Variants in CDKAL1 observed in about 807,000 individuals in gnomAD.
CDKAL1 encodes the protein CDKAL1 threonylcarbamoyladenosine tRNA methylthiotransferase.
Under a neutral mutation model 68.2 loss-of-function variants are expected in CDKAL1, and 32 were observed. The ratio of observed to expected loss-of-function variants is 0.47; its 90% confidence interval spans 0.35 to 0.63. CDKAL1 has a LOEUF of 0.63. Ranked by LOEUF, CDKAL1 falls within the 30% of genes least tolerant of loss-of-function variation. CDKAL1 has a pLI of 0.00. For synonymous variants in CDKAL1, 234 were observed against 244.3 expected, an observed-to-expected ratio of 0.96 and a Z score of 0.39; for missense variants, 606 against 696.7, an observed-to-expected ratio of 0.87 and a Z score of 1.47.
intron 9 of CDKAL1, among the ~76,000 whole-genome samples, chr6:20,887,524 T>C (rs1408490514): frequency 6.6e-6 from 1 of 151,070 alleles, no homozygotes; most frequent in Non-Finnish European, 1.5e-5. Flanking sequence ...AACAGGAATT[T>C]AACAATATTA....
intron 4 of CDKAL1, among the ~76,000 whole-genome samples, chr6:20,644,197 A>G (rs967869153): frequency 1.3e-5 from 2 of 151,606 alleles, no homozygotes; most frequent in African/African-American, 2.4e-5. Context: ...TTAAGACTGT[A>G]AACTCCCTGA....
At chr6:20,663,558 A>G (rs1402639088) in intron 5 of CDKAL1, among the ~76,000 whole-genome samples, 1 of 152,132 alleles carries the variant, frequency 6.6e-6, no homozygotes, top group Non-Finnish European at 1.5e-5. Context: ...AAGGAATAAC[A>G]GAATACATAG....
At chr6:20,596,346 C>T (rs1765821912) in intron 4 of CDKAL1, among the ~76,000 whole-genome samples, 1 of 152,210 alleles carries the variant, frequency 6.6e-6, no homozygotes, top group Non-Finnish European at 1.5e-5. Flanking sequence ...GACTTTCTTT[C>T]AGAGATGCCC....
intron 4 of CDKAL1, among the ~76,000 whole-genome samples, chr6:20,554,089 A>T (rs1373691732): frequency 7.2e-5 from 11 of 152,284 alleles, no homozygotes; most frequent in Admixed American, 7.2e-4. Flanking sequence ...AAGTGCTGGG[A>T]TTACAGGCAT....
chr6:21,231,002 G>C lies in CDKAL1; in HGVS notation c.1703G>C (p.Gly568Ala). The change falls in exon 16 of 16, where the codon GGT becomes GCT. Residue 568 changes from glycine (G) to alanine (A), a missense_variant. Transcript: ENST00000274695. ...ATGTCCGTGGGCTTGGCTCTGCTGG[G>C]TCTTCTTTTTGCTTTTTTTGTCAAG... ...LRMSVGLALL[G>A]LLFAFFVKVY... is the part of the protein sequence containing the mutation. The C allele has an allele frequency of 6.2e-7, 1 of 1,609,188 alleles. No individual in the cohort carries two copies. Among genetic ancestry groups the C allele is most frequent in the East Asian group, 2.2e-5 (1 of 44,716 alleles).
chr6:20,933,713 C>T (rs113895277), intron 9 of CDKAL1, among the ~76,000 whole-genome samples: 18 of 152,186 alleles, frequency 1.2e-4, no homozygotes, highest in Admixed American at 2.6e-4. Context: ...ATAATTACAC[C>T]GTCCTTATTT....
intron 8 of CDKAL1, among the ~76,000 whole-genome samples, chr6:20,807,492 A>G (rs1776623213): frequency 6.6e-6 from 1 of 152,208 alleles, no homozygotes; most frequent in Admixed American, 6.5e-5. Flanking sequence ...AAGTGCTGGG[A>G]CTACAGGCGC....
At chr6:21,213,067 A>G (rs907609774) in intron 15 of CDKAL1, among the ~76,000 whole-genome samples, 2 of 152,096 alleles carry the variant, frequency 1.3e-5, no homozygotes, top group African/African-American at 4.8e-5. Flanking sequence ...TTCCTCCTTG[A>G]AAACATCCGT....
intron 15 of CDKAL1, among the ~76,000 whole-genome samples, chr6:21,225,995 C>A (rs927710392): frequency 6.6e-6 from 1 of 152,140 alleles, no homozygotes; most frequent in Non-Finnish European, 1.5e-5. Context: ...CTCCATTTTA[C>A]AGGTGAGGAA....
rs184171864 is a variant in CDKAL1, at chr6:20,964,791, A to G, written c.909+9206A>G. 1.1e-4 allele frequency among the ~76,000 whole-genome samples: 17 copies of G among 152,332 alleles called. No individual in the cohort carries two copies. In the East Asian group the frequency reaches 2.1e-3, roughly 19 times the overall value. On this transcript the variant is annotated intron_variant, in intron 10 of 15. Transcript: ENST00000274695. ...TACCCATGTACCCCTGAACTTAAAC[A>G]GAAGTTAAAAACAAAACAACAAAAC... is the stretch of plus-strand genomic sequence containing the variant.
At chr6:20,973,614 T>C (rs1700246814) in intron 10 of CDKAL1, among the ~76,000 whole-genome samples, 1 of 152,128 alleles carries the variant, frequency 6.6e-6, no homozygotes, top group Admixed American at 6.5e-5. Context: ...ATCTTTTGTT[T>C]GTTTGTTTGA....
chr6:20,666,296 C>A (rs1769541110), intron 5 of CDKAL1, among the ~76,000 whole-genome samples: 1 of 150,098 alleles, frequency 6.7e-6, no homozygotes. Flanking sequence ...TCCCAGTAGG[C>A]CCAGTGCTCC....
intron 4 of CDKAL1, among the ~76,000 whole-genome samples, chr6:20,563,528 A>G (rs1764347172): frequency 6.6e-6 from 1 of 152,066 alleles, no homozygotes; most frequent in African/African-American, 2.4e-5. Context: ...TTTTAGTTTT[A>G]TAGAGATGGT....
intron 11 of CDKAL1, among the ~76,000 whole-genome samples, chr6:21,057,717 A>G (rs1770912194): frequency 6.6e-6 from 1 of 152,062 alleles, no homozygotes; most frequent in Non-Finnish European, 1.5e-5. Flanking sequence ...CTGTCTCTTT[A>G]TTCTCATTAG....
chr6:20,678,339 T>G lies in CDKAL1; in HGVS notation c.371+28962T>G, dbSNP rs368380780. On this transcript the variant is annotated intron_variant, in intron 5 of 15. Coordinates refer to ENST00000274695, the MANE Select transcript of CDKAL1 (RefSeq NM_017774.3). Reference sequence around the variant, plus strand: ...TTTTCATATTTATTCAATTTTGGCTTGGATTATTCTTTGTATGTTACTCCT... The same window carrying G: ...TTTTCATATTTATTCAATTTTGGCTGGGATTATTCTTTGTATGTTACTCCT... 5.9e-5 allele frequency among the ~76,000 whole-genome samples: 9 copies of G among 152,362 alleles called. 1 individual carries two copies. Among genetic ancestry groups the G allele is most frequent in the African/African-American group, 1.9e-4 (8 of 41,584 alleles).
intron 13 of CDKAL1, among the ~76,000 whole-genome samples, chr6:21,116,703 A>G (rs1003268474): frequency 7.9e-5 from 12 of 152,214 alleles, no homozygotes; most frequent in African/African-American, 2.9e-4. Flanking sequence ...ACTCCCAGGA[A>G]TATCAGTAAT....
chr6:21,094,961 C>T (rs906130992), intron 12 of CDKAL1, among the ~76,000 whole-genome samples: 2 of 152,146 alleles, frequency 1.3e-5, no homozygotes, highest in African/African-American at 4.8e-5. Context: ...TGTCGTTTTA[C>T]ATTCTAAACA....
At chr6:21,151,382 G>A (rs771273651) in intron 13 of CDKAL1, among the ~76,000 whole-genome samples, 7 of 152,206 alleles carry the variant, frequency 4.6e-5, no homozygotes, top group Non-Finnish European at 7.4e-5. Flanking sequence ...GGAAGCAGTC[G>A]TGCATTCGCA....
rs138150074 is a variant in CDKAL1 at position 20,830,179 on chromosome 6, A to G, written c.639-15896A>G. 1.2e-3 allele frequency among the ~76,000 whole-genome samples: 186 copies of G among 152,228 alleles called. 1 individual carries two copies. The highest frequency in any genetic ancestry group is 4.2e-3 in the African/African-American group (173 of 41,566). ...CCTGTTATTTACTTTAACATGGGTT[A>G]TTTTCTACCAGTTACATGATCATAG... On this transcript the variant is annotated intron_variant, in intron 8 of 15. Transcript: ENST00000274695.
Sources: gnomAD v4.1 joint callset for allele counts (sites outside exome capture counted in the v4.1 genomes callset) on GRCh38, gnomAD v4.1.1 for gene constraint, MANE v1.5 for transcripts, NCBI Gene and HGNC (gene_info 2026-07-23, HGNC 2026-07-21) for gene names.